Variants in ELP3 observed in about 807,000 individuals in gnomAD.
ELP3 encodes elongator complex protein 3.
In ELP3, 56 loss-of-function variants were observed where a neutral mutation model predicts 74.9. The observed-to-expected ratio is 0.75, with a 90% CI of 0.60 to 0.93. ELP3 has a LOEUF of 0.93. Ranked by LOEUF, ELP3 falls within the 40% of genes least tolerant of loss-of-function variation. The pLI is 0.00. For missense variants in ELP3, 573 were observed against 686.5 expected (o/e 0.83, Z 1.85); for synonymous variants, 222 against 239.8 (o/e 0.93, Z 0.68).
Position 28,156,006 on chromosome 8 carries a change from G to T in ELP3, c.1165G>T (p.Ala389Ser), listed in dbSNP as rs1813812207. The T allele has an allele frequency of 1.9e-6, 3 of 1,613,764 alleles. No homozygotes were observed. Among genetic ancestry groups the T allele is most frequent in the South Asian group, 2.2e-5 (2 of 91,084 alleles). Residue 389 changes from alanine to serine, a missense_variant, in exon 11 of 15, where the codon GCA becomes TCA. Ala to Ser is a moderately conservative substitution (Grantham distance 99). Transcript: ENST00000256398. The stretch of plus-strand genomic sequence containing the variant: ...TGGTAACCTGAGAGAGCTGGCACTT[G>T]CAAGAATGAAAGACCTCGGAATACA... ...EHGNLRELAL[A>S]RMKDLGIQCR... is the part of the protein sequence containing the mutation.
intron 7 of ELP3, among the ~76,000 whole-genome samples, chr8:28,115,563 T>C (rs1434447473): frequency 6.6e-6 from 1 of 152,204 alleles, no homozygotes; most frequent in East Asian, 1.9e-4. Flanking sequence ...CATGGGTGTT[T>C]AATATTCACT....
chr8:28,131,681 T>G (rs1167380746), intron 8 of ELP3, among the ~76,000 whole-genome samples: 2 of 152,208 alleles, frequency 1.3e-5, no homozygotes, highest in Non-Finnish European at 2.9e-5. Flanking sequence ...GAATGCCAAG[T>G]TAAGATGATT....
At chr8:28,117,531 C>T (rs1297285074) in intron 7 of ELP3, among the ~76,000 whole-genome samples, 1 of 152,064 alleles carries the variant, frequency 6.6e-6, no homozygotes, top group South Asian at 2.1e-4. Context: ...AAGAGGGCAA[C>T]GAACACTTTA....
intron 7 of ELP3, among the ~76,000 whole-genome samples, chr8:28,128,095 T>A (rs1039413241): frequency 1.3e-5 from 2 of 152,308 alleles, no homozygotes; most frequent in South Asian, 2.1e-4. Flanking sequence ...ATGGGAAATT[T>A]TTTTTAAAGG....
At chr8:28,128,731 T>C (rs1812680165) in intron 7 of ELP3, among the ~76,000 whole-genome samples, 1 of 152,196 alleles carries the variant, frequency 6.6e-6, no homozygotes, top group South Asian at 2.1e-4. Context: ...GATTCAGTAC[T>C]AGAGTGTGTG....
chr8:28,186,298 C>T (rs1434625095), intron 14 of ELP3, among the ~76,000 whole-genome samples: 1 of 151,934 alleles, frequency 6.6e-6, no homozygotes, highest in African/African-American at 2.4e-5. Flanking sequence ...TTAGCAACAC[C>T]GAGCTGTATA....
At chr8:28,134,436 C>A (rs1267109076) in intron 9 of ELP3, among the ~76,000 whole-genome samples, 1 of 152,160 alleles carries the variant, frequency 6.6e-6, no homozygotes, top group East Asian at 1.9e-4. Flanking sequence ...GATCATATTT[C>A]TTTTCTAACT....
rs954260473 is a variant in ELP3, at chr8:28,176,069, G to A, written c.1568-13580G>A. On this transcript the variant is annotated intron_variant, in intron 14 of 14. Transcript: ENST00000256398. ...TGACCTCAAGTGATCCACCTGCCTT[G>A]GCCTCCCAAAGTGCTAGGATTACAG... 2.3e-4 allele frequency among the ~76,000 whole-genome samples: 35 copies of A among 151,862 alleles called. 1 individual carries two copies. The highest frequency in any genetic ancestry group is 2.2e-3 in the Admixed American group (34 of 15,260).
chr8:28,149,125 A>C (rs1813545762), intron 10 of ELP3, among the ~76,000 whole-genome samples: 1 of 152,232 alleles, frequency 6.6e-6, no homozygotes, highest in Non-Finnish European at 1.5e-5. Context: ...AACTGGAAGA[A>C]ATAAATTCCT....
intron 14 of ELP3, among the ~76,000 whole-genome samples, chr8:28,188,124 G>A (rs1474569586): frequency 5.3e-5 from 8 of 152,198 alleles, no homozygotes; most frequent in African/African-American, 9.7e-5. Context: ...TGTGGCAGGT[G>A]CTGCTGATCG....
In ELP3 at chr8:28,122,966, A is replaced by G. The variant is rs181535115; in HGVS notation, c.618-6536A>G. On this transcript the variant is annotated intron_variant, in intron 7 of 14. Transcript: ENST00000256398. ...TGGCAAAACCCCGTCTCTACTAAAA[A>G]TACAAAAGTTAGCCATGTGTGGTGG... Among the ~76,000 whole-genome samples the G allele has an allele frequency of 6.6e-3, 1,000 of 152,324 alleles. 6 individuals are homozygous for G. The highest frequency in any genetic ancestry group is 0.021 in the African/African-American group (857 of 41,552).
At chr8:28,116,386 CG>C (rs1166094051) in intron 7 of ELP3, among the ~76,000 whole-genome samples, 1 of 152,114 alleles carries the variant, frequency 6.6e-6, no homozygotes, top group Non-Finnish European at 1.5e-5. Flanking sequence ...GTGATTTCTT[CG>C]TCTTACAGGG....
At chr8:28,098,885 C>T (rs568113657) in intron 2 of ELP3, among the ~76,000 whole-genome samples, 2 of 152,362 alleles carry the variant, frequency 1.3e-5, no homozygotes, top group African/African-American at 4.8e-5. Context: ...CTCCCCAGCA[C>T]ACATCAGATT....
chr8:28,154,468 T>C (rs911669387), intron 10 of ELP3, among the ~76,000 whole-genome samples: 1 of 152,222 alleles, frequency 6.6e-6, no homozygotes, highest in African/African-American at 2.4e-5. Flanking sequence ...TTAAGTTTTA[T>C]ATATTTCTTA....
intron 5 of ELP3, 117 bp downstream of exon 5, chr8:28,108,093 T>G: frequency 1.2e-6 from 1 of 812,546 alleles, no homozygotes; most frequent in Non-Finnish European, 1.9e-6. Flanking sequence ...TTTTTTCTGA[T>G]TTTAAAAGCT....
chr8:28,186,031 A>G (rs73564374), intron 14 of ELP3, among the ~76,000 whole-genome samples: 11,030 of 152,318 alleles, frequency 0.072, 798 homozygotes, highest in East Asian at 0.33. Context: ...CTTATACCCA[A>G]CATGGATGAA....
intron 10 of ELP3, among the ~76,000 whole-genome samples, chr8:28,139,414 T>C (rs1813132250): frequency 6.6e-6 from 1 of 152,144 alleles, no homozygotes; most frequent in South Asian, 2.1e-4. Flanking sequence ...TTCCAACATA[T>C]AGGTACATGT....
intron 14 of ELP3, among the ~76,000 whole-genome samples, chr8:28,172,241 G>A (rs750223049): frequency 3.9e-5 from 6 of 151,978 alleles, no homozygotes; most frequent in Non-Finnish European, 7.4e-5. Context: ...GCTTTGGGTG[G>A]TATCATCATC....
intron 4 of ELP3, among the ~76,000 whole-genome samples, chr8:28,107,185 T>G (rs369902027): frequency 6.6e-6 from 1 of 152,056 alleles, no homozygotes; most frequent in South Asian, 2.1e-4. Flanking sequence ...GAGGTGGAGG[T>G]TGCAGTGAGC....
Sources: gnomAD v4.1 joint callset for allele counts (sites outside exome capture counted in the v4.1 genomes callset) on GRCh38, gnomAD v4.1.1 for gene constraint, MANE v1.5 for transcripts, NCBI Gene and HGNC (gene_info 2026-07-23, HGNC 2026-07-21) for gene names.